Variants in HTRA3 observed in about 807,000 individuals in gnomAD.
The protein encoded by HTRA3 is HtrA serine peptidase 3, also known as serine protease HTRA3.
HTRA3 carries 41 observed loss-of-function variants against 43.2 expected under a neutral mutation model. The observed-to-expected ratio is 0.95, with a 90% CI of 0.74 to 1.23. HTRA3 has a LOEUF of 1.23. Ranked by LOEUF, HTRA3 falls within the 50% of genes most tolerant of loss-of-function variation. HTRA3 has a pLI of 0.00. For synonymous variants in HTRA3, 295 were observed against 287.9 expected (o/e 1.02, Z -0.25); for missense variants, 628 against 647.1 (o/e 0.97, Z 0.32).
At chr4:8,301,441 T>TTTATTGAGTCACACTCTCAGCTTTA (rs1238651760) in intron 6 of HTRA3, among the ~76,000 whole-genome samples, 2 of 151,820 alleles carry the variant, frequency 1.3e-5, no homozygotes, top group African/African-American at 2.4e-5. Flanking sequence ...CACACTCAGC[T>TTTATTGAGTCACACTCTCAGCTTTA]TTATTGAGTC....
At chr4:8,275,148 G>C (rs1053219648) in intron 1 of HTRA3, among the ~76,000 whole-genome samples, 1 of 152,244 alleles carries the variant, frequency 6.6e-6, no homozygotes, top group African/African-American at 2.4e-5. Context: ...GCTGCCAGGA[G>C]CCAGGAGTCC....
Position 8,306,372 on chromosome 4 carries a change from T to A in HTRA3, c.*236T>A, listed in dbSNP as rs1713850961. On this transcript the variant is annotated 3_prime_UTR_variant, in exon 9 of 9. Transcript: ENST00000307358. The surrounding 1 kb of genome is among the most constrained non-coding windows in gnomAD (Gnocchi z 8.9). ...GCCCAACATCCCCTTGTACAGATGA[T>A]CCTGAAAGTCACTTCCAAGTTCTCC... is the stretch of plus-strand genomic sequence containing the variant. The A allele has an allele frequency of 2.3e-6, 1 of 443,204 alleles. No individual in the cohort carries two copies. Among genetic ancestry groups the A allele is most frequent in the Admixed American group, 3.9e-5 (1 of 25,504 alleles). The allele number at this position is 443,204 out of a possible 1,614,324, so 27.5% of individuals were successfully genotyped here.
Position 8,286,597 on chromosome 4 carries a change from C to A in HTRA3, c.522C>A (p.Ser174Arg). 2.5e-6 allele frequency: 4 copies of A among 1,614,082 alleles called. No homozygotes were observed. Among genetic ancestry groups the A allele is most frequent in the Non-Finnish European group, 3.4e-6 (4 of 1,180,024 alleles). Residue 174 changes from serine to arginine, a missense_variant, in exon 3 of 9, where the codon AGC (serine) becomes AGA (arginine). Transcript: ENST00000307358. This position sits in a 1 kb window ranked among gnomAD's most constrained non-coding sequence, Gnocchi z 4.9. ...PLFGRNVPLS[S>R]GSGFIMSEAG... Reference sequence around the variant, plus strand: ...TTGGCCGCAACGTGCCCCTGTCCAGCGGTTCTGGCTTCATCATGTCAGAGG... The same window carrying A: ...TTGGCCGCAACGTGCCCCTGTCCAGAGGTTCTGGCTTCATCATGTCAGAGG...
rs887353465 is a variant in HTRA3, at chr4:8,279,122, G to A, written c.386-3315G>A. ...CTGTCCCAAAGGAGCCTGGGGTGTG[G>A]GGTGGGCACGTGCGGGCTTCTCTTT... On this transcript the variant is annotated intron_variant, in intron 1 of 8. Transcript: ENST00000307358. The surrounding 1 kb of genome is among the most constrained non-coding windows in gnomAD (Gnocchi z 7.4). Among the ~76,000 whole-genome samples, 1 of 152,164 alleles carries A rather than the reference G, an allele frequency of 6.6e-6. No individual in the cohort carries two copies. The highest frequency in any genetic ancestry group is 1.5e-5 in the Non-Finnish European group (1 of 68,038).
Position 8,286,853 on chromosome 4 carries a change from A to T in HTRA3, c.708+70A>T. On this transcript the variant is annotated intron_variant, in intron 3 of 8. Transcript: ENST00000307358. This position sits in a 1 kb window ranked among gnomAD's most constrained non-coding sequence, Gnocchi z 4.9. ...ATGGTGGCCTCTTCCCAGACGCCGG[A>T]ACCCAGAGGCAAGCTAGCCCCACCT... 3 of 1,223,744 alleles carry T rather than the reference A, an allele frequency of 2.5e-6. No homozygotes were observed. Among genetic ancestry groups the T allele is most frequent in the Non-Finnish European group, 3.5e-6 (3 of 860,614 alleles). 75.8% of individuals were successfully genotyped at this position (1,223,744 alleles called of 1,614,324 possible). A position where few individuals can be genotyped will look rare whatever the true frequency, so the allele number is the denominator to read the frequency against.
At chr4:8,281,178 G>C (rs571733034) in intron 1 of HTRA3, among the ~76,000 whole-genome samples, 34 of 152,262 alleles carry the variant, frequency 2.2e-4, no homozygotes, top group Admixed American at 1.8e-3. Context: ...CCTAGAGCAC[G>C]GACCGCGGCC....
chr4:8,282,107 C>T (rs993787737), intron 1 of HTRA3, among the ~76,000 whole-genome samples: 8 of 152,212 alleles, frequency 5.3e-5, no homozygotes, highest in Non-Finnish European at 1.0e-4. Flanking sequence ...GCCCTGGCCT[C>T]ACTCCCGTGT....
At chr4:8,287,778 A>G (rs978543457) in intron 3 of HTRA3, among the ~76,000 whole-genome samples, 3 of 152,212 alleles carry the variant, frequency 2.0e-5, no homozygotes, top group Non-Finnish European at 2.9e-5. Context: ...CAGACGGGGC[A>G]ACTGAGGCTT....
chr4:8,299,841 C>CATTTTTTTTTTTTT (rs1553821600), intron 6 of HTRA3, among the ~76,000 whole-genome samples: 1 of 140,710 alleles, frequency 7.1e-6, no homozygotes. Context: ...ATGTATTATC[C>CATTTTTTTTTTTTT]TTTTTTTTTT....
Position 8,291,556 on chromosome 4 carries a change from A to G in HTRA3, c.895A>G (p.Ile299Val), listed in dbSNP as rs1203208948. 2 of 1,587,846 alleles carry G rather than the reference A, an allele frequency of 1.3e-6. No homozygotes were observed. The highest frequency in any genetic ancestry group is 1.7e-6 in the Non-Finnish European group (2 of 1,165,054). Residue 299 changes from isoleucine (I) to valine (V), a missense_variant, in exon 4 of 9, where the codon ATC becomes GTC. Physicochemically the swap from Ile to Val is conservative, Grantham distance 29. Transcript: ENST00000307358. The stretch of plus-strand genomic sequence containing the variant: ...CATGGACTACATCCAGACGGATGCC[A>G]TCATCAACGTGAGTCCCAGGGACAG... ...SDMDYIQTDAIINYGNSGGPL... is the reference protein window; with the variant it reads ...SDMDYIQTDAVINYGNSGGPL...
intron 5 of HTRA3, among the ~76,000 whole-genome samples, 191 bp downstream of exon 5, chr4:8,292,544 A>G (rs1347713070): frequency 6.6e-6 from 1 of 152,162 alleles, no homozygotes; most frequent in East Asian, 1.9e-4. Flanking sequence ...CGGGGATGCT[A>G]GTGGCCACCA....
chr4:8,300,863 T>G (rs940355424), intron 6 of HTRA3, among the ~76,000 whole-genome samples: 7 of 151,870 alleles, frequency 4.6e-5, no homozygotes, highest in Non-Finnish European at 8.8e-5. Flanking sequence ...TGACTCACAC[T>G]CTTACCTTTA....
intron 4 of HTRA3, 96 bp from the exon 5 acceptor site, chr4:8,292,223 ATG>A (rs1473169033): frequency 9.9e-7 from 1 of 1,007,396 alleles, no homozygotes; most frequent in Non-Finnish European, 1.5e-6. Flanking sequence ...AGACCTGCTT[ATG>A]TGTCTCTGCA....
At chr4:8,287,058 A>G (rs1157408485) in intron 3 of HTRA3, among the ~76,000 whole-genome samples, 1 of 152,196 alleles carries the variant, frequency 6.6e-6, no homozygotes, top group Admixed American at 6.5e-5. Context: ...GTGGTCCCAT[A>G]TCACACCCCA....
intron 8 of HTRA3, 111 bp from the exon 9 acceptor site, chr4:8,305,860 C>T: frequency 8.2e-7 from 1 of 1,216,124 alleles, no homozygotes; most frequent in Non-Finnish European, 1.2e-6. Context: ...ATCGAGATGA[C>T]TTTTGTTGAA....
rs755599433 is a variant in HTRA3, at chr4:8,291,405, C to T, written c.744C>T (p.Ala248=). Residue 248 remains alanine (A), a synonymous_variant, in exon 4 of 9, where the codon GCC becomes GCT. Transcript: ENST00000307358. ...KLPVLLLGHS[A]DLRPGEFVVA... ...CTGTGTTGTTGCTGGGTCACTCGGC[C>T]GACCTGCGGCCTGGGGAGTTTGTGG... is the stretch of plus-strand genomic sequence containing the variant. 2.5e-5 allele frequency: 40 copies of T among 1,613,422 alleles called. No homozygotes were observed. The highest frequency in any genetic ancestry group is 6.7e-5 in the Admixed American group (4 of 60,002).
At chr4:8,280,945 G>T (rs1227562941) in intron 1 of HTRA3, among the ~76,000 whole-genome samples, 2 of 152,194 alleles carry the variant, frequency 1.3e-5, no homozygotes, top group African/African-American at 4.8e-5. Context: ...GGGAGCTGCA[G>T]GGCAGAGGTG....
Position 8,306,258 on chromosome 4 carries a change from T to C in HTRA3, c.*122T>C. The C allele has an allele frequency of 1.8e-6, 2 of 1,089,894 alleles. No homozygotes were observed. 67.5% of individuals were successfully genotyped at this position (1,089,894 alleles called of 1,614,324 possible). A position where few individuals can be genotyped will look rare whatever the true frequency, so the allele number is the denominator to read the frequency against. ...CAGGGCGGCAGCCTCCTCCTGGCTG[T>C]CCGGGGCAGAGCGGAGGCTGGGCTT... On this transcript the variant is annotated 3_prime_UTR_variant, in exon 9 of 9. Coordinates refer to ENST00000307358, the MANE Select transcript of HTRA3 (RefSeq NM_053044.5). This position sits in a 1 kb window ranked among gnomAD's most constrained non-coding sequence, Gnocchi z 8.9.
chr4:8,272,179 G>A (rs966094229), intron 1 of HTRA3, among the ~76,000 whole-genome samples: 1 of 152,208 alleles, frequency 6.6e-6, no homozygotes, highest in Non-Finnish European at 1.5e-5. Flanking sequence ...GGCAGCCTGG[G>A]TGTTCTGAGA....
Sources: allele counts gnomAD v4.1 joint callset (sites outside exome capture counted in the v4.1 genomes callset), GRCh38; gene constraint gnomAD v4.1.1; non-coding constraint Gnocchi (gnomAD v3.1); transcripts MANE v1.5; gene names NCBI Gene and HGNC (gene_info 2026-07-23, HGNC 2026-07-21).